Variants in CSNK1G1 observed in about 807,000 individuals in gnomAD.
CSNK1G1 encodes the protein casein kinase 1 gamma 1.
CSNK1G1 carries 22 observed loss-of-function variants against 59.6 expected under a neutral mutation model. That is an observed-to-expected ratio of 0.37 (90% CI 0.26 to 0.53). CSNK1G1 has a LOEUF of 0.53. Ranked by LOEUF, CSNK1G1 falls within the 20% of genes least tolerant of loss-of-function variation. The pLI is 0.89. For missense variants in CSNK1G1, 384 were observed against 519.5 expected (o/e 0.74, Z 2.54); for synonymous variants, 179 against 177.1 (o/e 1.01, Z -0.08).
intron 2 of CSNK1G1, among the ~76,000 whole-genome samples, chr15:64,264,143 C>G (rs1892854575): frequency 6.6e-6 from 1 of 152,096 alleles, no homozygotes; most frequent in Admixed American, 6.5e-5. Context: ...ATAGATAATC[C>G]TAAATGCAAA....
chr15:64,189,667 G>T (rs1465561806), intron 10 of CSNK1G1, among the ~76,000 whole-genome samples: 1 of 152,080 alleles, frequency 6.6e-6, no homozygotes. Context: ...TATAAAAAAC[G>T]AAGGGCAAGG....
rs2081930977 is a variant in CSNK1G1, at chr15:64,188,751, A to AG, written c.1108-8298_1108-8297insC. Among the ~76,000 whole-genome samples, 1 of 95,366 alleles carries AG rather than the reference A, an allele frequency of 1.0e-5. No individual in the cohort carries two copies. Among genetic ancestry groups the AG allele is most frequent in the South Asian group, 3.3e-4 (1 of 3,020 alleles). The allele number at this position is 95,366 out of a possible 152,430, so 62.6% of individuals were successfully genotyped here. ...AACGACCAAAAGAGGAGGGAGGGGG[A>AG]AAAAACACACAGTCAAAGCTGGGAT... On this transcript the variant is annotated intron_variant, in intron 10 of 11. Transcript: ENST00000303052. This position sits in a 1 kb window ranked among gnomAD's most constrained non-coding sequence, Gnocchi z 4.2.
intron 2 of CSNK1G1, 38 bp downstream of exon 2, chr15:64,300,278 ATTG>A: frequency 1.3e-6 from 2 of 1,571,270 alleles, no homozygotes; most frequent in Admixed American, 3.4e-5. Context: ...TATCATAGGT[ATTG>A]TTGTTAGTAG....
chr15:64,174,358 A>G (rs1418600651), intron 11 of CSNK1G1, among the ~76,000 whole-genome samples: 1 of 152,230 alleles, frequency 6.6e-6, no homozygotes, highest in African/African-American at 2.4e-5. Flanking sequence ...TTTGCTAGTT[A>G]TTGTAGTTAA....
intron 1 of CSNK1G1, among the ~76,000 whole-genome samples, chr15:64,337,805 G>C (rs975178090): frequency 6.6e-5 from 10 of 152,036 alleles, no homozygotes; most frequent in Non-Finnish European, 2.9e-5. Flanking sequence ...CAATAGCTCT[G>C]CTTTTCTCTG....
intron 1 of CSNK1G1, among the ~76,000 whole-genome samples, chr15:64,315,223 G>A (rs1212683023): frequency 6.6e-6 from 1 of 152,208 alleles, no homozygotes; most frequent in African/African-American, 2.4e-5. Flanking sequence ...CCTCAAGGAA[G>A]AGATGGAGCC....
intron 8 of CSNK1G1, 88 bp downstream of exon 8, chr15:64,204,777 A>C (rs2082155305): frequency 9.0e-7 from 1 of 1,109,372 alleles, no homozygotes; most frequent in Non-Finnish European, 1.4e-6. Context: ...TAATTACCTA[A>C]ACAGCACCCC....
chr15:64,249,122 A>G (rs1891933218), intron 4 of CSNK1G1, among the ~76,000 whole-genome samples: 1 of 152,142 alleles, frequency 6.6e-6, no homozygotes, highest in Non-Finnish European at 1.5e-5. Context: ...CTCCATCTAA[A>G]TTTTAAAAAT....
intron 2 of CSNK1G1, among the ~76,000 whole-genome samples, chr15:64,278,497 C>T (rs1258098452): frequency 6.7e-6 from 1 of 148,456 alleles, no homozygotes; most frequent in African/African-American, 2.5e-5. Flanking sequence ...GGCACAATTT[C>T]AGCTCACTGC....
At chr15:64,315,106 A>C (rs533998647) in intron 1 of CSNK1G1, among the ~76,000 whole-genome samples, 19 of 152,304 alleles carry the variant, frequency 1.2e-4, no homozygotes, top group African/African-American at 4.6e-4. Flanking sequence ...TCAGATGGCA[A>C]TTACAAAAAA....
intron 4 of CSNK1G1, among the ~76,000 whole-genome samples, chr15:64,247,523 A>T (rs1891823256): frequency 6.6e-6 from 1 of 152,236 alleles, no homozygotes; most frequent in South Asian, 2.1e-4. Flanking sequence ...CAAGAAACAA[A>T]GCTTGAAAAG....
intron 10 of CSNK1G1, among the ~76,000 whole-genome samples, chr15:64,184,919 AGAAATCAGAGC>A (rs2081870754): frequency 6.6e-6 from 1 of 152,166 alleles, no homozygotes; most frequent in Non-Finnish European, 1.5e-5. Flanking sequence ...CACTGTGAGG[AGAAATCAGAGC>A]TGTGTACCAA....
At chr15:64,314,446 A>G (rs1329413095) in intron 1 of CSNK1G1, among the ~76,000 whole-genome samples, 2 of 151,994 alleles carry the variant, frequency 1.3e-5, no homozygotes, top group African/African-American at 4.8e-5. Flanking sequence ...AAATCAAGCT[A>G]GTTAACATAT....
intron 1 of CSNK1G1, among the ~76,000 whole-genome samples, chr15:64,303,241 T>TAA (rs1186963998): frequency 1.2e-5 from 1 of 83,840 alleles, no homozygotes; most frequent in Non-Finnish European, 2.4e-5. Context: ...ACCCTGTCTC[T>TAA]AAAAAAAAAA....
intron 1 of CSNK1G1, among the ~76,000 whole-genome samples, chr15:64,333,257 CAAAAAAAA>C (rs60857897): frequency 9.1e-3 from 151 of 16,514 alleles, no homozygotes; most frequent in African/African-American, 0.041. Flanking sequence ...GACTCCATCT[CAAAAAAAA>C]AAAAAAAAAA....
intron 1 of CSNK1G1, among the ~76,000 whole-genome samples, chr15:64,350,772 G>C (rs1240883935): frequency 6.6e-6 from 1 of 152,156 alleles, no homozygotes; most frequent in Non-Finnish European, 1.5e-5. Flanking sequence ...GAAGGAATCT[G>C]AAACAGATGG....
At chr15:64,296,841 G>GA (rs1895045939) in intron 2 of CSNK1G1, among the ~76,000 whole-genome samples, 1 of 149,740 alleles carries the variant, frequency 6.7e-6, no homozygotes, top group African/African-American at 2.5e-5. Flanking sequence ...TCTAGCCTGG[G>GA]CAAAAAGAGC....
intron 2 of CSNK1G1, among the ~76,000 whole-genome samples, chr15:64,299,726 T>A (rs998243011): frequency 6.6e-6 from 1 of 152,132 alleles, no homozygotes; most frequent in African/African-American, 2.4e-5. Flanking sequence ...GAAAATCCAT[T>A]GCCTTAGTTG....
intron 10 of CSNK1G1, among the ~76,000 whole-genome samples, chr15:64,186,995 G>T (rs1030127048): frequency 6.6e-6 from 1 of 150,546 alleles, no homozygotes; most frequent in East Asian, 2.0e-4. Context: ...GCTAATTTTT[G>T]TATTTTTAGT....
Sources: gnomAD v4.1 joint callset for allele counts (sites outside exome capture counted in the v4.1 genomes callset) on GRCh38, gnomAD v4.1.1 for gene constraint, Gnocchi (gnomAD v3.1) non-coding constraint, MANE v1.5 for transcripts, NCBI Gene and HGNC (gene_info 2026-07-23, HGNC 2026-07-21) for gene names.